The following AKAP9 variants were observed in gnomAD, a reference collection of about 807,000 sequenced individuals.
AKAP9 encodes A-kinase anchor protein 9.
AKAP9 carries 311 observed loss-of-function variants against 488.5 expected under a neutral mutation model. The ratio of observed to expected loss-of-function variants is 0.64; its 90% CI spans 0.58 to 0.70. AKAP9 has a LOEUF of 0.70. Ranked by LOEUF, AKAP9 falls within the 30% of genes least tolerant of loss-of-function variation. The probability of loss-of-function intolerance (pLI) is 0.00; values close to 1 mark genes in which losing one functional copy is unlikely to be tolerated. For synonymous variants in AKAP9, 1,462 were observed against 1,483.5 expected (o/e 0.99, Z 0.33); for missense variants, 4,215 against 4,374.5 (o/e 0.96, Z 1.03).
chr7:91,968,945 C>T (rs1794736573), intron 1 of AKAP9, among the ~76,000 whole-genome samples: 1 of 152,022 alleles, frequency 6.6e-6, no homozygotes, highest in South Asian at 2.1e-4. Flanking sequence ...GAACATGGTT[C>T]ATTGTAGCCT....
intron 13 of AKAP9, 70 bp from the exon 14 acceptor site, chr7:92,022,744 C>T (rs183855173): frequency 1.0e-6 from 1 of 994,682 alleles, no homozygotes; most frequent in East Asian, 2.5e-5. Context: ...TTTCTGTACA[C>T]AGTGATTGTG....
rs555496217 is a variant in AKAP9 at position 91,983,341 on chromosome 7, G to C, written c.351+3008G>C. Among the ~76,000 whole-genome samples the C allele has an allele frequency of 8.8e-4, 134 of 152,206 alleles. 1 individual carries two copies. Among genetic ancestry groups the C allele is most frequent in the South Asian group, 2.9e-3 (14 of 4,814 alleles). On this transcript the variant is annotated intron_variant, in intron 3 of 49. Transcript: ENST00000356239. Reference sequence around the variant, plus strand: ...CTTGTGATAGTTTGCTCAGAATGATGGTTTCCAGCTTCATCCATGTCCCTG... The same window carrying C: ...CTTGTGATAGTTTGCTCAGAATGATCGTTTCCAGCTTCATCCATGTCCCTG...
chr7:92,077,845 G>A lies in AKAP9; in HGVS notation c.6915G>A (p.Gln2305=), dbSNP rs776992805. 9 of 1,613,300 alleles carry A rather than the reference G, an allele frequency of 5.6e-6. No individual in the cohort carries two copies. The highest frequency in any genetic ancestry group is 1.7e-4 in the Middle Eastern group (1 of 6,054). ...DQLNEQVTKL[Q]QQLKITTDNK... ...TAAATGAACAAGTTACGAAACTCCAGCAGCAACTTAAAATTACAACAGATA... is the reference window on the plus strand; with the variant it reads ...TAAATGAACAAGTTACGAAACTCCAACAGCAACTTAAAATTACAACAGATA... The change falls in exon 30 of 50, where the codon CAG becomes CAA. Residue 2305 remains glutamine (Q), a synonymous_variant. Coordinates refer to ENST00000356239, the MANE Select transcript of AKAP9 (RefSeq NM_005751.5).
In AKAP9 at chr7:91,994,697, G is replaced by A. The variant is rs752443155; in HGVS notation, c.653G>A (p.Arg218Lys). The A allele has an allele frequency of 3.1e-6, 5 of 1,613,244 alleles. No individual in the cohort carries two copies. The Admixed American group carries it at 6.7e-5, about 22-fold the overall frequency. ...TQLTANLQQA[R>K]REKDETMREF... ...CTCACTGCTAATTTACAACAAGCAA[G>A]AAGAGAAAAGGATGAGACAATGAGA... is the stretch of plus-strand genomic sequence containing the variant. Residue 218 changes from arginine to lysine, a missense_variant, in exon 6 of 50, where the codon AGA becomes AAA. Around this residue, in one of 5 missense-constraint regions of AKAP9, gnomAD observed 2,361 missense variants for 2,430.0 expected, o/e 0.97. Transcript: ENST00000356239.
intron 15 of AKAP9, 56 bp downstream of exon 15, chr7:92,030,047 A>AT: frequency 8.3e-7 from 1 of 1,199,446 alleles, no homozygotes; most frequent in Non-Finnish European, 1.2e-6. Context: ...TTTTTCTATC[A>AT]TTTTTATGTC....
chr7:92,098,700 T>C (rs1218301553), intron 43 of AKAP9, among the ~76,000 whole-genome samples: 3 of 152,214 alleles, frequency 2.0e-5, no homozygotes, highest in Non-Finnish European at 4.4e-5. Context: ...TTATGATTCC[T>C]CTTCCTACCC....
chr7:92,019,425 C>G (rs1802005622), intron 12 of AKAP9, among the ~76,000 whole-genome samples: 1 of 151,864 alleles, frequency 6.6e-6, no homozygotes, highest in African/African-American at 2.4e-5. Flanking sequence ...CAGGCATGAG[C>G]CACCACACCC....
At chr7:92,094,907 T>G in intron 39 of AKAP9, 116 bp from the exon 40 acceptor site, 1 of 793,550 alleles carries the variant, frequency 1.3e-6, no homozygotes, top group Non-Finnish European at 2.1e-6. Context: ...GTTTATATTT[T>G]CCTCTTAGCT....
chr7:92,001,677 TA>T lies in AKAP9; in HGVS notation c.1764del (p.Lys588AsnfsTer11), dbSNP rs1357208988. On this transcript the variant is annotated frameshift_variant, in exon 8 of 50. Coordinates refer to ENST00000356239, the MANE Select transcript of AKAP9 (RefSeq NM_005751.5). LOFTEE classifies it high-confidence loss of function. ...SASESRKELE[L>X]KHEAEVTNYK... ...TCTGAATCCAGAAAGGAACTAGAAT[TA>T]AAACATGAAGCAGAAGTTACAAATT... The T allele has an allele frequency of 1.9e-6, 3 of 1,612,440 alleles. No individual in the cohort carries two copies. Among genetic ancestry groups the T allele is most frequent in the Non-Finnish European group, 2.5e-6 (3 of 1,179,406 alleles).
chr7:92,023,526 A>G (rs534923901), intron 14 of AKAP9, among the ~76,000 whole-genome samples: 40 of 152,222 alleles, frequency 2.6e-4, no homozygotes, highest in African/African-American at 9.4e-4. Context: ...TAGTCTATCA[A>G]GACGTCCTAT....
At chr7:92,094,002 C>T (rs1816097080) in intron 39 of AKAP9, among the ~76,000 whole-genome samples, 1 of 151,862 alleles carries the variant, frequency 6.6e-6, no homozygotes, top group South Asian at 2.1e-4. Context: ...AGGCACCCGC[C>T]ACCATGCCTG....
intron 22 of AKAP9, among the ~76,000 whole-genome samples, chr7:92,055,867 C>T (rs1808708492): frequency 6.6e-6 from 1 of 151,866 alleles, no homozygotes; most frequent in Non-Finnish European, 1.5e-5. Context: ...TTTAATACTG[C>T]TCTTTTGAGT....
chr7:91,995,667 CCAAA>C lies in AKAP9; in HGVS notation c.801_804del (p.Lys267AsnfsTer17). 6.2e-7 allele frequency: 1 copy of C among 1,614,060 alleles called. No homozygotes were observed. Among genetic ancestry groups the C allele is most frequent in the Non-Finnish European group, 8.5e-7 (1 of 1,180,004 alleles). Reference sequence around the variant, plus strand: ...AGCACAGCTGCAGACTTACTACAAGCCAAACAACAGATCCTCACTCATCAACAGC... The same window carrying C: ...AGCACAGCTGCAGACTTACTACAAGCCAACAGATCCTCACTCATCAACAGC... On this transcript the variant is annotated frameshift_variant, in exon 7 of 50. Coordinates refer to ENST00000356239, the MANE Select transcript of AKAP9 (RefSeq NM_005751.5). LOFTEE classifies it high-confidence loss of function.
chr7:92,028,419 G>A (rs913123200), intron 14 of AKAP9, among the ~76,000 whole-genome samples: 1 of 148,590 alleles, frequency 6.7e-6, no homozygotes, highest in Non-Finnish European at 1.5e-5. Flanking sequence ...GTGAAAGTAA[G>A]ATCCAGGACA....
intron 23 of AKAP9, among the ~76,000 whole-genome samples, chr7:92,061,788 A>G (rs1475527072): frequency 1.3e-5 from 2 of 151,806 alleles, no homozygotes; most frequent in Non-Finnish European, 2.9e-5. Context: ...AAAGGGCACA[A>G]ATACCATTAC....
chr7:92,075,968 G>C (rs548042902), intron 28 of AKAP9, among the ~76,000 whole-genome samples: 2 of 152,114 alleles, frequency 1.3e-5, no homozygotes, highest in Non-Finnish European at 2.9e-5. Context: ...CTGAGGATAG[G>C]CTCTGTTGCC....
rs1176782891 is a variant in AKAP9, at chr7:92,077,682, A to G, written c.6766-14A>G. On this transcript the variant is annotated splice_polypyrimidine_tract_variant and intron_variant, in intron 29 of 49. Coordinates refer to ENST00000356239, the MANE Select transcript of AKAP9 (RefSeq NM_005751.5). Reference sequence around the variant, plus strand: ...AATGATATATCCAACTGTGATAATTATTTTTGTTCCTAGGATGACATGGAG... The same window carrying G: ...AATGATATATCCAACTGTGATAATTGTTTTTGTTCCTAGGATGACATGGAG... 1 of 1,610,816 alleles carries G rather than the reference A, an allele frequency of 6.2e-7. No individual in the cohort carries two copies. Among genetic ancestry groups the G allele is most frequent in the Non-Finnish European group, 8.5e-7 (1 of 1,177,450 alleles).
At chr7:92,108,060 C>A in intron 48 of AKAP9, 1 of 223,356 alleles carries the variant, frequency 4.5e-6, no homozygotes, top group East Asian at 1.1e-4. Flanking sequence ...TAACCTAAGG[C>A]TTAATGTAAA....
In AKAP9 at chr7:92,093,309, G is replaced by A. The variant is rs779708902; in HGVS notation, c.9571G>A (p.Ala3191Thr). 2 of 1,613,850 alleles carry A rather than the reference G, an allele frequency of 1.2e-6. No homozygotes were observed. Among genetic ancestry groups the A allele is most frequent in the Non-Finnish European group, 1.7e-6 (2 of 1,179,902 alleles). ...GCATAAACACCTAAAAGAATTGGAG[G>A]CTTTCAGGTGTGCCAGGCTTCCTTA... is the stretch of plus-strand genomic sequence containing the variant. ...AQHKHLKELEAFRLEVKDKTD... is the reference protein window; with the variant it reads ...AQHKHLKELETFRLEVKDKTD... Residue 3191 changes from alanine to threonine, a missense_variant, in exon 39 of 50, where the codon GCT becomes ACT. This residue lies in a region of AKAP9 where 1,476 missense variants were observed against 1,477.4 expected (regional missense o/e 1.00). Coordinates refer to ENST00000356239, the MANE Select transcript of AKAP9 (RefSeq NM_005751.5).
Sources: allele counts gnomAD v4.1 joint callset (sites outside exome capture counted in the v4.1 genomes callset), GRCh38; gene constraint gnomAD v4.1.1; regional missense constraint gnomAD v4.1.1; transcripts MANE v1.5; gene names NCBI Gene and HGNC (gene_info 2026-07-23, HGNC 2026-07-21).